Variants in CCM2 observed in about 807,000 individuals in gnomAD.
The protein encoded by CCM2 is CCM2 scaffold protein.
A neutral mutation model predicts 44.9 loss-of-function variants in CCM2; 25 were observed. The observed-to-expected ratio is 0.56, with a 90% CI of 0.41 to 0.78. The LOEUF is 0.78. CCM2 is among the 30% of genes least tolerant of loss of function. CCM2 has a pLI of 0.00. For missense variants in CCM2, 481 were observed against 580.6 expected, an observed-to-expected ratio of 0.83 and a Z score of 1.76; for synonymous variants, 219 against 241.1, an observed-to-expected ratio of 0.91 and a Z score of 0.85.
At chr7:45,022,992 C>T (rs544385100) in intron 1 of CCM2, among the ~76,000 whole-genome samples, 13 of 152,150 alleles carry the variant, frequency 8.5e-5, no homozygotes, top group East Asian at 1.9e-4. Flanking sequence ...CCACCAGCCT[C>T]GGCCTCCCAA....
rs762878478 is a variant in CCM2 at position 45,076,050 on chromosome 7, C to T, written c.1328C>T (p.Ser443Leu). ...EALGCSMDQD[S>L]A Reference sequence around the variant, plus strand: ...CTGGGCTGCAGCATGGACCAGGACTCAGCATGATGGACAGTGGATGGGGGG... The same window carrying T: ...CTGGGCTGCAGCATGGACCAGGACTTAGCATGATGGACAGTGGATGGGGGG... The change falls in exon 10 of 10, where the codon TCA (serine) becomes TTA (leucine). Residue 443 changes from serine to leucine, a missense_variant. Transcript: ENST00000258781. The T allele has an allele frequency of 2.5e-6, 4 of 1,612,898 alleles. No individual in the cohort carries two copies. The highest frequency in any genetic ancestry group is 3.3e-5 in the Admixed American group (2 of 59,986).
At chr7:45,041,543 A>G (rs1328321904) in intron 2 of CCM2, among the ~76,000 whole-genome samples, 2 of 152,202 alleles carry the variant, frequency 1.3e-5, no homozygotes, top group Admixed American at 6.5e-5. Context: ...AGGTACAGAC[A>G]GAACCCCCTG....
At chr7:45,044,329 G>C (rs913713667) in intron 2 of CCM2, among the ~76,000 whole-genome samples, 1 of 152,066 alleles carries the variant, frequency 6.6e-6, no homozygotes, top group East Asian at 1.9e-4. Flanking sequence ...GTAGAGATGG[G>C]GTTTCACCGT....
In CCM2 at chr7:45,027,653, G is replaced by C. The variant is rs1190756775; in HGVS notation, c.31-10600G>C. ...CTGTTCAGTCATGTTTTTTTCAGAGGGAGGGCTAACATCTGGCCATATTTT... is the reference window on the plus strand; with the variant it reads ...CTGTTCAGTCATGTTTTTTTCAGAGCGAGGGCTAACATCTGGCCATATTTT... On this transcript the variant is annotated intron_variant, in intron 1 of 9. Transcript: ENST00000258781. 2.5e-6 allele frequency: 4 copies of C among 1,613,650 alleles called. No individual in the cohort carries two copies. The East Asian group carries it at 6.7e-5, about 27-fold the overall frequency.
At chr7:45,015,681 A>T (rs1054325367) in intron 1 of CCM2, among the ~76,000 whole-genome samples, 1 of 152,158 alleles carries the variant, frequency 6.6e-6, no homozygotes, top group Non-Finnish European at 1.5e-5. Context: ...ATCCTATGGC[A>T]TGTGTGCCAG....
intron 1 of CCM2, among the ~76,000 whole-genome samples, chr7:45,009,007 G>A (rs1795959302): frequency 6.6e-6 from 1 of 152,050 alleles, no homozygotes; most frequent in South Asian, 2.1e-4. Context: ...AGCATTTTAT[G>A]ATGAAAATTT....
chr7:45,061,805 G>A (rs557103133), intron 2 of CCM2, among the ~76,000 whole-genome samples: 2 of 152,118 alleles, frequency 1.3e-5, no homozygotes, highest in African/African-American at 2.4e-5. Flanking sequence ...TTTAAATGAT[G>A]TATTCTTCCC....
intron 9 of CCM2, 23 bp downstream of exon 9, chr7:45,074,431 G>C (rs1270137160): frequency 6.2e-7 from 1 of 1,603,612 alleles, no homozygotes; most frequent in Non-Finnish European, 8.5e-7. Context: ...TGGAAAGAGG[G>C]TGGCTTGTCC....
intron 1 of CCM2, among the ~76,000 whole-genome samples, chr7:45,034,809 C>G (rs1797140916): frequency 6.6e-6 from 1 of 152,108 alleles, no homozygotes. Context: ...GTGTGAGCCA[C>G]TGCACCCAGC....
At chr7:45,015,348 A>T (rs1171084795) in intron 1 of CCM2, among the ~76,000 whole-genome samples, 2 of 152,178 alleles carry the variant, frequency 1.3e-5, no homozygotes, top group South Asian at 2.1e-4. Flanking sequence ...TAACACTCCT[A>T]GCTGTGCTAG....
chr7:45,066,322 AT>A (rs1798771325), intron 4 of CCM2, among the ~76,000 whole-genome samples: 1 of 152,096 alleles, frequency 6.6e-6, no homozygotes, highest in African/African-American at 2.4e-5. Context: ...TATTTTAAAA[AT>A]TTTTGTAAGG....
chr7:45,003,508 G>A (rs975816868), intron 1 of CCM2, among the ~76,000 whole-genome samples: 3 of 152,022 alleles, frequency 2.0e-5, no homozygotes, highest in Admixed American at 6.6e-5. Context: ...CGAAGCAGGC[G>A]GATCACTTGA....
At chr7:45,072,267 G>A (rs1356057456) in intron 6 of CCM2, 1 of 334,432 alleles carries the variant, frequency 3.0e-6, no homozygotes, top group African/African-American at 2.1e-5. Context: ...CAGATGGGGA[G>A]TCAGACTGCC....
At chr7:45,036,144 C>T (rs1473048112) in intron 1 of CCM2, among the ~76,000 whole-genome samples, 1 of 151,920 alleles carries the variant, frequency 6.6e-6, no homozygotes, top group Non-Finnish European at 1.5e-5. Flanking sequence ...AGAGAGCTGG[C>T]AAAGGGTGCG....
At chr7:45,054,292 A>G (rs766574716) in intron 2 of CCM2, among the ~76,000 whole-genome samples, 7 of 151,984 alleles carry the variant, frequency 4.6e-5, no homozygotes, top group Non-Finnish European at 1.0e-4. Flanking sequence ...ACAAAAGGGG[A>G]TAGGTCACTT....
At chr7:45,072,532 G>A (rs1799129777) in intron 6 of CCM2, 194 bp from the exon 7 acceptor site, 1 of 665,188 alleles carries the variant, frequency 1.5e-6, no homozygotes, top group Non-Finnish European at 2.7e-6. Flanking sequence ...GGGTGTATGT[G>A]GGCTCAAGTC....
intron 1 of CCM2, among the ~76,000 whole-genome samples, chr7:45,032,385 G>A (rs1307132449): frequency 6.6e-6 from 1 of 151,926 alleles, no homozygotes; most frequent in East Asian, 1.9e-4. Flanking sequence ...TTCCGGGGTC[G>A]CCCTCCTCTG....
chr7:45,058,836 G>T (rs1015697999), intron 2 of CCM2, among the ~76,000 whole-genome samples: 2 of 151,786 alleles, frequency 1.3e-5, no homozygotes, highest in Admixed American at 1.3e-4. Flanking sequence ...GAAAGCAGTG[G>T]CACGATCTTG....
At chr7:45,042,046 C>A (rs941719122) in intron 2 of CCM2, among the ~76,000 whole-genome samples, 1 of 152,026 alleles carries the variant, frequency 6.6e-6, no homozygotes, top group African/African-American at 2.4e-5. Flanking sequence ...GAGACTGAGG[C>A]GGACGGATCA....
Sources: gnomAD v4.1 joint callset for allele counts (sites outside exome capture counted in the v4.1 genomes callset) on GRCh38, gnomAD v4.1.1 for gene constraint, MANE v1.5 for transcripts, NCBI Gene and HGNC (gene_info 2026-07-23, HGNC 2026-07-21) for gene names.